Variants in CLSTN2 observed in about 807,000 individuals in gnomAD.
CLSTN2 encodes calsyntenin-2.
CLSTN2 carries 48 observed loss-of-function variants against 101.2 expected under a neutral mutation model. The observed-to-expected ratio is 0.47, with a 90% CI of 0.38 to 0.60. The LOEUF is 0.60. Among genes scored for constraint, CLSTN2 ranks in the 20% least tolerant of loss-of-function variants. The pLI, the probability that CLSTN2 is intolerant of heterozygous loss-of-function variation, is 0.00. For synonymous variants in CLSTN2, 481 were observed against 463.6 expected (o/e 1.04, Z -0.48); for missense variants, 1,160 against 1,238.2 (o/e 0.94, Z 0.95).
intron 2 of CLSTN2, among the ~76,000 whole-genome samples, chr3:140,184,903 C>T (rs1394959949): frequency 6.6e-6 from 1 of 152,116 alleles, no homozygotes; most frequent in African/African-American, 2.4e-5. Context: ...CGCACATATA[C>T]ACCATGGGAA....
intron 8 of CLSTN2, among the ~76,000 whole-genome samples, chr3:140,479,267 G>A (rs1213435222): frequency 6.6e-6 from 1 of 152,182 alleles, no homozygotes; most frequent in Admixed American, 6.5e-5. Flanking sequence ...CAGACTATGT[G>A]CCAGGATTTA....
intron 1 of CLSTN2, among the ~76,000 whole-genome samples, chr3:139,963,422 T>C (rs1353153698): frequency 2.0e-5 from 3 of 152,134 alleles, no homozygotes; most frequent in Non-Finnish European, 4.4e-5. Context: ...GTATGCCCAA[T>C]AGACTTCCTA....
chr3:140,006,417 C>G (rs6439890), intron 1 of CLSTN2, among the ~76,000 whole-genome samples: 48,404 of 152,108 alleles, frequency 0.32, 9,282 homozygotes, highest in African/African-American at 0.53. Flanking sequence ...AGCAGGGAAG[C>G]CTTTCCTTAG....
At chr3:140,260,577 A>G (rs2086642644) in intron 2 of CLSTN2, among the ~76,000 whole-genome samples, 1 of 151,398 alleles carries the variant, frequency 6.6e-6, no homozygotes, top group South Asian at 2.1e-4. Flanking sequence ...AAAAATTGAG[A>G]AGGCAGTACA....
chr3:140,305,365 T>C (rs56834107), intron 2 of CLSTN2, among the ~76,000 whole-genome samples: 7,570 of 152,220 alleles, frequency 0.05, 420 homozygotes, highest in African/African-American at 0.13. Context: ...TCCATTCCCA[T>C]TAGATAGTGT....
At chr3:140,261,443 T>C (rs909662395) in intron 2 of CLSTN2, among the ~76,000 whole-genome samples, 1 of 152,164 alleles carries the variant, frequency 6.6e-6, no homozygotes, top group African/African-American at 2.4e-5. Flanking sequence ...TTGGGTTTTA[T>C]TGAACACTTC....
At chr3:140,560,539 T>A (rs1179710445) in intron 12 of CLSTN2, among the ~76,000 whole-genome samples, 1 of 151,202 alleles carries the variant, frequency 6.6e-6, no homozygotes, top group Non-Finnish European at 1.5e-5. Flanking sequence ...CAGCACACAT[T>A]TTTTAGCCCT....
chr3:139,956,154 A>G (rs1935391053), intron 1 of CLSTN2, among the ~76,000 whole-genome samples: 1 of 152,218 alleles, frequency 6.6e-6, no homozygotes, highest in Non-Finnish European at 1.5e-5. Context: ...CAGAAAGTCC[A>G]TAAGTAGTGG....
At position 140,567,353 on chromosome 3, in the gene CLSTN2, C is replaced by T. The variant is rs933060165; in HGVS notation, c.*1100C>T. 6.6e-6 allele frequency: 1 copy of T among 152,118 alleles called. No individual in the cohort carries two copies. Among genetic ancestry groups the T allele is most frequent in the Non-Finnish European group, 1.5e-5 (1 of 68,028 alleles). 9.4% of individuals were successfully genotyped at this position (152,118 alleles called of 1,614,324 possible). ...TGTATTAGAAACGCACGAGCTCCAC[C>T]AAGTCTACAATGAAAGTTTGAAATT... is the stretch of plus-strand genomic sequence containing the variant. On this transcript the variant is annotated 3_prime_UTR_variant, in exon 17 of 17. Transcript: ENST00000458420.
chr3:140,174,181 C>T (rs1009570608), intron 1 of CLSTN2, among the ~76,000 whole-genome samples: 1 of 152,136 alleles, frequency 6.6e-6, no homozygotes, highest in Non-Finnish European at 1.5e-5. Context: ...ACCAGATACC[C>T]TAAATCATCT....
chr3:140,002,832 A>G (rs1017806022), intron 1 of CLSTN2, among the ~76,000 whole-genome samples: 1 of 151,914 alleles, frequency 6.6e-6, no homozygotes, highest in East Asian at 1.9e-4. Flanking sequence ...TTTCCCCCCA[A>G]TGTATGTTCT....
At chr3:140,365,200 T>C (rs774568408) in intron 2 of CLSTN2, among the ~76,000 whole-genome samples, 1 of 152,106 alleles carries the variant, frequency 6.6e-6, no homozygotes, top group African/African-American at 2.4e-5. Context: ...TAATATTTCA[T>C]GGAAGGAACT....
At chr3:140,521,707 C>A (rs1935028675) in intron 8 of CLSTN2, among the ~76,000 whole-genome samples, 2 of 152,208 alleles carry the variant, frequency 1.3e-5, no homozygotes, top group Non-Finnish European at 2.9e-5. Context: ...CTCTCCAGAG[C>A]CAGCAGGCTA....
intron 1 of CLSTN2, among the ~76,000 whole-genome samples, chr3:140,089,913 G>A (rs2107785016): frequency 6.8e-6 from 1 of 146,664 alleles, no homozygotes; most frequent in South Asian, 2.2e-4. Context: ...GTTAAAGGAA[G>A]GTTTATTTTA....
rs1230763113 is a variant in CLSTN2 at position 140,575,995 on chromosome 3, G to A, written c.*9742G>A. ...GTTAGCTCTCAAAGCAGTGGGAATA[G>A]TGCTTGGCACATAGTAGGAGTTTGG... On this transcript the variant is annotated 3_prime_UTR_variant, in exon 17 of 17. Coordinates refer to ENST00000458420, the MANE Select transcript of CLSTN2 (RefSeq NM_022131.3). 2.6e-5 allele frequency: 4 copies of A among 152,194 alleles called. No individual in the cohort carries two copies. The highest frequency in any genetic ancestry group is 5.9e-5 in the Non-Finnish European group (4 of 68,030). 9.4% of individuals were successfully genotyped at this position (152,194 alleles called of 1,614,324 possible).
At chr3:140,278,741 G>A (rs146516354) in intron 2 of CLSTN2, among the ~76,000 whole-genome samples, 8 of 152,290 alleles carry the variant, frequency 5.3e-5, no homozygotes, top group Admixed American at 3.3e-4. Context: ...GTTTTTTAGA[G>A]ACAGGGTCTC....
intron 2 of CLSTN2, among the ~76,000 whole-genome samples, chr3:140,391,369 G>C (rs114175579): frequency 1.4e-5 from 2 of 141,734 alleles, no homozygotes; most frequent in East Asian, 2.2e-4. Context: ...CTATTTGCGT[G>C]GGGGGGTGGG....
chr3:140,522,236 G>C (rs760106596), intron 8 of CLSTN2, among the ~76,000 whole-genome samples: 1 of 152,236 alleles, frequency 6.6e-6, no homozygotes, highest in Non-Finnish European at 1.5e-5. Flanking sequence ...CAATGTGAGA[G>C]TCTGGATATT....
intron 2 of CLSTN2, among the ~76,000 whole-genome samples, chr3:140,362,225 T>C (rs948488404): frequency 1.3e-5 from 2 of 152,192 alleles, no homozygotes; most frequent in African/African-American, 4.8e-5. Context: ...AGGGCAGTTG[T>C]TGCAACAAAT....
Sources: gnomAD v4.1 joint callset for allele counts (sites outside exome capture counted in the v4.1 genomes callset) on GRCh38, gnomAD v4.1.1 for gene constraint, MANE v1.5 for transcripts, NCBI Gene and HGNC (gene_info 2026-07-23, HGNC 2026-07-21) for gene names.